The following ROBO2 variants were observed in gnomAD, a reference collection of about 807,000 sequenced individuals.
ROBO2 encodes the protein roundabout guidance receptor 2.
ROBO2 carries 53 observed loss-of-function variants against 160.8 expected under a neutral mutation model. That is an observed-to-expected ratio of 0.33 (90% confidence interval 0.26 to 0.41). The LOEUF is 0.41. Ranked by LOEUF, ROBO2 falls within the 10% of genes least tolerant of loss-of-function variation. The pLI is 1.00. For missense variants in ROBO2, 1,577 were observed against 1,722.4 expected, an observed-to-expected ratio of 0.92 and a Z score of 1.49; for synonymous variants, 664 against 611.7, an observed-to-expected ratio of 1.09 and a Z score of -1.26.
At chr3:76,569,887 G>A (rs555502235) in intron 2 of ROBO2, among the ~76,000 whole-genome samples, 1 of 152,326 alleles carries the variant, frequency 6.6e-6, no homozygotes, top group African/African-American at 2.4e-5. Flanking sequence ...CACTTTGAGA[G>A]GCCAAGGCCG....
intron 2 of ROBO2, among the ~76,000 whole-genome samples, chr3:77,464,508 A>G (rs2082566005): frequency 6.6e-6 from 1 of 152,230 alleles, no homozygotes; most frequent in South Asian, 2.1e-4. Context: ...AAGAGGCTGT[A>G]GAGACAATTT....
At chr3:77,474,691 C>CACAT (rs1553973682) in intron 2 of ROBO2, among the ~76,000 whole-genome samples, 40,386 of 150,646 alleles carry the variant, frequency 0.27, 5,598 homozygotes, top group East Asian at 0.43. Flanking sequence ...CACACACACA[C>CACAT]TCAATTTAGA....
At chr3:77,484,736 T>C (rs1364153892) in intron 4 of ROBO2, among the ~76,000 whole-genome samples, 5 of 152,044 alleles carry the variant, frequency 3.3e-5, no homozygotes, top group African/African-American at 7.2e-5. Context: ...CTTTTCCTTC[T>C]TTTTCTCTTT....
intron 2 of ROBO2, among the ~76,000 whole-genome samples, chr3:76,603,408 C>A (rs1478096203): frequency 1.9e-5 from 2 of 106,562 alleles, no homozygotes; most frequent in African/African-American, 3.9e-5. Flanking sequence ...ATGGACATTT[C>A]TTCTTTTTGA....
At chr3:77,555,406 T>C (rs1044582331) in intron 8 of ROBO2, among the ~76,000 whole-genome samples, 10 of 152,026 alleles carry the variant, frequency 6.6e-5, no homozygotes, top group African/African-American at 2.4e-4. Context: ...ATATTTATAA[T>C]TCAAACATTC....
intron 2 of ROBO2, among the ~76,000 whole-genome samples, chr3:77,142,630 G>T (rs185518603): frequency 6.6e-6 from 1 of 152,282 alleles, no homozygotes; most frequent in African/African-American, 2.4e-5. Flanking sequence ...AAATCAATAC[G>T]CGGTGGTCCC....
At chr3:76,074,868 A>G (rs1185219534) in intron 2 of ROBO2, among the ~76,000 whole-genome samples, 1 of 152,202 alleles carries the variant, frequency 6.6e-6, no homozygotes, top group Admixed American at 6.5e-5. Flanking sequence ...GTAACGTGTC[A>G]GATTACTTTT....
At chr3:76,424,644 G>A (rs186471183) in intron 2 of ROBO2, among the ~76,000 whole-genome samples, 119 of 152,238 alleles carry the variant, frequency 7.8e-4, no homozygotes, top group Admixed American at 2.9e-3. Context: ...AGGTTAGATC[G>A]TATATTAAGT....
At chr3:77,214,732 C>G (rs1219131256) in intron 2 of ROBO2, among the ~76,000 whole-genome samples, 1 of 152,102 alleles carries the variant, frequency 6.6e-6, no homozygotes, top group Non-Finnish European at 1.5e-5. Flanking sequence ...TATTCCTTTC[C>G]ATGTTTAGTG....
chr3:76,231,581 G>C (rs1243630243), intron 2 of ROBO2, among the ~76,000 whole-genome samples: 2 of 152,142 alleles, frequency 1.3e-5, no homozygotes, highest in African/African-American at 4.8e-5. Flanking sequence ...ATGAGATTGG[G>C]ATTTGGAAGG....
At chr3:77,496,849 A>G (rs535249331) in intron 5 of ROBO2, among the ~76,000 whole-genome samples, 190 of 152,150 alleles carry the variant, frequency 1.2e-3, no homozygotes, top group Non-Finnish European at 2.3e-3. Context: ...TTAAGGGAGT[A>G]TTTTTTCCCC....
At chr3:77,093,397 A>C (rs2070593232) in intron 1 of ROBO2, among the ~76,000 whole-genome samples, 1 of 152,120 alleles carries the variant, frequency 6.6e-6, no homozygotes, top group African/African-American at 2.4e-5. Flanking sequence ...TTTTGCTGAC[A>C]ACTCAGCTTT....
intron 5 of ROBO2, among the ~76,000 whole-genome samples, chr3:77,515,352 C>T (rs772844069): frequency 8.6e-5 from 13 of 151,406 alleles, no homozygotes; most frequent in Non-Finnish European, 1.2e-4. Flanking sequence ...GTGAGGAAGC[C>T]GAAAGAGCTT....
At chr3:77,484,830 A>G (rs1027352873) in intron 4 of ROBO2, among the ~76,000 whole-genome samples, 1 of 152,104 alleles carries the variant, frequency 6.6e-6, no homozygotes, top group Non-Finnish European at 1.5e-5. Flanking sequence ...ATTGACTGTG[A>G]GTTGAATGTT....
intron 12 of ROBO2, among the ~76,000 whole-genome samples, chr3:77,567,498 A>G (rs1312661313): frequency 2.6e-5 from 4 of 151,874 alleles, no homozygotes; most frequent in Non-Finnish European, 4.4e-5. Flanking sequence ...TCATATGGAG[A>G]AATAGAATAG....
intron 2 of ROBO2, among the ~76,000 whole-genome samples, chr3:76,768,666 T>C (rs1050364926): frequency 4.0e-5 from 6 of 150,576 alleles, no homozygotes; most frequent in Admixed American, 3.3e-4. Context: ...ATAAATATAA[T>C]ATGTAAAACT....
chr3:77,495,692 A>C (rs541788767), intron 5 of ROBO2, among the ~76,000 whole-genome samples: 3 of 152,302 alleles, frequency 2.0e-5, no homozygotes, highest in African/African-American at 7.2e-5. Flanking sequence ...TTTTAAAAAG[A>C]ATACCTTAGA....
intron 2 of ROBO2, among the ~76,000 whole-genome samples, chr3:76,206,043 A>G (rs1443236453): frequency 6.6e-6 from 1 of 152,130 alleles, no homozygotes; most frequent in Non-Finnish European, 1.5e-5. Flanking sequence ...CTGTCCCTCT[A>G]GTCCCCCTGG....
chr3:77,481,325 A>C, intron 4 of ROBO2, 106 bp downstream of exon 4: 1 of 823,560 alleles, frequency 1.2e-6, no homozygotes, highest in Non-Finnish European at 1.7e-6. Flanking sequence ...GTTACTCATG[A>C]CTCATGGTAA....
Sources: gnomAD v4.1 joint callset for allele counts (sites outside exome capture counted in the v4.1 genomes callset) on GRCh38, gnomAD v4.1.1 for gene constraint, MANE v1.5 for transcripts, NCBI Gene and HGNC (gene_info 2026-07-23, HGNC 2026-07-21) for gene names.